The following XKR9 variants were observed in gnomAD, a reference collection of about 807,000 sequenced individuals.
XKR9 encodes XK-related protein 9.
A neutral mutation model predicts 32.0 loss-of-function variants in XKR9; 32 were observed. The ratio of observed to expected loss-of-function variants is 1.00; its 90% CI spans 0.76 to 1.34. The LOEUF is 1.34. Among genes scored for constraint, XKR9 ranks in the 40% most tolerant of loss-of-function variants. The pLI, the probability that XKR9 is intolerant of heterozygous loss-of-function variation, is 0.00. For synonymous variants in XKR9, 168 were observed against 143.4 expected (o/e 1.17, Z -1.22); for missense variants, 546 against 429.7 (o/e 1.27, Z -2.39).
the XKR9 span, among the ~76,000 whole-genome samples, chr8:70,986,789 T>C: frequency 9.3e-3 from 1,415 of 152,350 alleles, 5 homozygotes; most frequent in Non-Finnish European, 0.013. Flanking sequence ...GTACTTTTGA[T>C]AGACTTTGTC....
intron 1 of XKR9, among the ~76,000 whole-genome samples, chr8:70,669,759 C>T (rs1818642091): frequency 6.6e-6 from 1 of 151,348 alleles, no homozygotes; most frequent in South Asian, 2.1e-4. Context: ...CCCCGCCTCC[C>T]GGGTTCACGC....
At chr8:70,783,207 C>G (rs1465258846) in intron 2 of XKR9, among the ~76,000 whole-genome samples, 1 of 151,316 alleles carries the variant, frequency 6.6e-6, no homozygotes, top group Admixed American at 6.6e-5. Context: ...AAAAATATGT[C>G]TGTTGGCCAT....
intron 2 of XKR9, among the ~76,000 whole-genome samples, chr8:70,759,434 G>T (rs1807276357): frequency 6.6e-6 from 1 of 152,172 alleles, no homozygotes. Flanking sequence ...GCATGCAGAT[G>T]ATTTTCCTCC....
the XKR9 span, among the ~76,000 whole-genome samples, chr8:70,814,064 C>G: frequency 6.6e-6 from 1 of 152,124 alleles, no homozygotes; most frequent in Non-Finnish European, 1.5e-5. Context: ...CAACAATAGT[C>G]TGGATTAAGA....
chr8:70,683,202 C>G (rs1012580279), intron 3 of XKR9, among the ~76,000 whole-genome samples: 1 of 152,132 alleles, frequency 6.6e-6, no homozygotes, highest in East Asian at 1.9e-4. Flanking sequence ...TAGTGTGTAA[C>G]GTGCGGTCTT....
At chr8:70,718,587 C>T (rs1233722890) in intron 4 of XKR9, among the ~76,000 whole-genome samples, 1 of 152,092 alleles carries the variant, frequency 6.6e-6, no homozygotes, top group East Asian at 1.9e-4. Flanking sequence ...ATTTCTCTTC[C>T]TGTGTTAGTT....
chr8:70,861,825 C>T, the XKR9 span, among the ~76,000 whole-genome samples: 7 of 152,298 alleles, frequency 4.6e-5, no homozygotes, highest in South Asian at 4.1e-4. Flanking sequence ...TTTTCTGTCA[C>T]CACCACCAAA....
the XKR9 span, among the ~76,000 whole-genome samples, chr8:70,911,047 T>C: frequency 6.6e-6 from 1 of 152,218 alleles, no homozygotes; most frequent in Non-Finnish European, 1.5e-5. Flanking sequence ...TGTGATTACA[T>C]TGGGCACACC....
intron 3 of XKR9, among the ~76,000 whole-genome samples, chr8:70,691,200 G>T (rs1326993729): frequency 3.3e-5 from 5 of 152,154 alleles, no homozygotes; most frequent in Non-Finnish European, 7.4e-5. Context: ...TTTGCCACAT[G>T]TATGTCTTCT....
At chr8:70,679,566 C>T (rs1170413955) in intron 2 of XKR9, among the ~76,000 whole-genome samples, 1 of 152,188 alleles carries the variant, frequency 6.6e-6, no homozygotes, top group East Asian at 1.9e-4. Context: ...CTGCGATGAA[C>T]AGGAGAGAGC....
chr8:70,706,929 A>G lies in XKR9; in HGVS notation c.273-4A>G. The G allele has an allele frequency of 6.2e-7, 1 of 1,602,116 alleles. No homozygotes were observed. Among genetic ancestry groups the G allele is most frequent in the Non-Finnish European group, 8.5e-7 (1 of 1,171,600 alleles). On this transcript the variant is annotated splice_region_variant and splice_polypyrimidine_tract_variant and intron_variant, in intron 3 of 4. Transcript: ENST00000408926. ...AAAGAGAAATGTTTATGTTTACTTT[A>G]TAGGTATTGGTTTGCCTTAAAAAGG...
chr8:70,940,140 G>A, the XKR9 span, among the ~76,000 whole-genome samples: 5 of 151,860 alleles, frequency 3.3e-5, no homozygotes, highest in African/African-American at 9.7e-5. Context: ...CAACAGTTTC[G>A]GGAGTAGTAA....
chr8:70,849,499 T>A, the XKR9 span, among the ~76,000 whole-genome samples: 21 of 152,246 alleles, frequency 1.4e-4, 1 homozygote, highest in Admixed American at 1.4e-3. Context: ...ACTAAATGCC[T>A]GCAGGAGAAA....
chr8:71,049,452 T>C, the XKR9 span, among the ~76,000 whole-genome samples: 1 of 152,192 alleles, frequency 6.6e-6, no homozygotes. Context: ...AGGCAGAGGT[T>C]TTGCAGCACC....
chr8:70,873,743 C>T, the XKR9 span, among the ~76,000 whole-genome samples: 1,480 of 152,244 alleles, frequency 9.7e-3, 23 homozygotes, highest in African/African-American at 0.034. Context: ...CAAAGGATTT[C>T]GAATCTTATA....
chr8:71,059,132 T>G, the XKR9 span, among the ~76,000 whole-genome samples: 3 of 152,366 alleles, frequency 2.0e-5, no homozygotes, highest in Middle Eastern at 6.8e-3. Flanking sequence ...AAACCAGTTT[T>G]AAATGATTAA....
the XKR9 span, among the ~76,000 whole-genome samples, chr8:70,821,342 C>T: frequency 6.6e-6 from 1 of 152,214 alleles, no homozygotes; most frequent in African/African-American, 2.4e-5. Context: ...CAGCCCCTGT[C>T]CTGGCTGCTT....
chr8:70,755,512 A>T (rs1477375272), intron 2 of XKR9, among the ~76,000 whole-genome samples: 1 of 152,154 alleles, frequency 6.6e-6, no homozygotes, highest in Non-Finnish European at 1.5e-5. Context: ...ACCAACCCAA[A>T]TGTCCAACAA....
chr8:71,038,214 T>G, the XKR9 span, among the ~76,000 whole-genome samples: 1 of 152,126 alleles, frequency 6.6e-6, no homozygotes, highest in Non-Finnish European at 1.5e-5. Flanking sequence ...CTGCTACAAT[T>G]CAGTTGATTT....
Sources: allele counts gnomAD v4.1 joint callset (sites outside exome capture counted in the v4.1 genomes callset), GRCh38; gene constraint gnomAD v4.1.1; transcripts MANE v1.5; gene names NCBI Gene and HGNC (gene_info 2026-07-23, HGNC 2026-07-21).